CCDC88A: variants seen among roughly 807,000 people sequenced by gnomAD.
CCDC88A encodes the protein girdin.
A neutral mutation model predicts 234.3 loss-of-function variants in CCDC88A; 54 were observed. The observed-to-expected ratio is 0.23, with a 90% CI of 0.19 to 0.29. CCDC88A has a LOEUF of 0.29. CCDC88A is among the 10% of genes least tolerant of loss of function. CCDC88A has a pLI of 1.00. For synonymous variants in CCDC88A, 753 were observed against 737.8 expected (o/e 1.02, Z -0.33); for missense variants, 1,832 against 2,123.4 (o/e 0.86, Z 2.70).
At chr2:55,389,247 A>G (rs1676194881) in intron 2 of CCDC88A, among the ~76,000 whole-genome samples, 1 of 152,254 alleles carries the variant, frequency 6.6e-6, no homozygotes, top group African/African-American at 2.4e-5. Flanking sequence ...ATAATAACCA[A>G]TAAATGTTAT....
At chr2:55,412,982 T>C (rs1680742596) in intron 2 of CCDC88A, among the ~76,000 whole-genome samples, 1 of 152,056 alleles carries the variant, frequency 6.6e-6, no homozygotes, top group Non-Finnish European at 1.5e-5. Context: ...GGTGGGAGGA[T>C]CACTTGAACC....
At chr2:55,359,825 G>A (rs534007725) in intron 7 of CCDC88A, among the ~76,000 whole-genome samples, 1 of 139,110 alleles carries the variant, frequency 7.2e-6, no homozygotes, top group South Asian at 2.3e-4. Flanking sequence ...TTATACTGAA[G>A]AATGAACATA....
intron 2 of CCDC88A, among the ~76,000 whole-genome samples, chr2:55,400,797 G>A (rs866107878): frequency 1.3e-5 from 2 of 152,242 alleles, no homozygotes; most frequent in East Asian, 1.9e-4. Context: ...TTCTGTGTTG[G>A]TGCTTAACTG....
chr2:55,399,234 A>T (rs1000916877), intron 2 of CCDC88A, among the ~76,000 whole-genome samples: 3 of 151,638 alleles, frequency 2.0e-5, no homozygotes, highest in Non-Finnish European at 4.4e-5. Flanking sequence ...AATTGCTTTT[A>T]AAAAAGTTTA....
At position 55,405,702 on chromosome 2, in the gene CCDC88A, C is replaced by T. The variant is rs1201158013; in HGVS notation, c.164+13114G>A. 10 of 152,236 alleles carry T rather than the reference C, an allele frequency of 6.6e-5. 1 individual carries two copies. Among genetic ancestry groups the T allele is most frequent in the African/African-American group, 2.4e-4 (10 of 41,522 alleles). The allele number at this position is 152,236 out of a possible 1,614,324, so 9.4% of individuals were successfully genotyped here. Reference sequence around the variant, plus strand: ...GCAGCATTAGATTTTCTTAGGAGCACGAACCCTATTGTGAACTGCCATACA... The same window carrying T: ...GCAGCATTAGATTTTCTTAGGAGCATGAACCCTATTGTGAACTGCCATACA... On this transcript the variant is annotated intron_variant, in intron 2 of 32. Coordinates refer to ENST00000436346, the MANE Select transcript of CCDC88A (RefSeq NM_001365480.1).
chr2:55,380,102 G>T (rs1473487054), intron 3 of CCDC88A, among the ~76,000 whole-genome samples: 1 of 149,202 alleles, frequency 6.7e-6, no homozygotes, highest in African/African-American at 2.5e-5. Context: ...TGCATGTGCT[G>T]GCACACACCT....
chr2:55,298,891 A>C (rs1370174142), intron 29 of CCDC88A, among the ~76,000 whole-genome samples: 6 of 149,740 alleles, frequency 4.0e-5, no homozygotes, highest in South Asian at 2.1e-4. Flanking sequence ...AAAAAAAAAA[A>C]AACACAAAAA....
At chr2:55,389,527 T>C (rs1268810122) in intron 2 of CCDC88A, among the ~76,000 whole-genome samples, 1 of 152,148 alleles carries the variant, frequency 6.6e-6, no homozygotes, top group Non-Finnish European at 1.5e-5. Context: ...AAATAGAAAC[T>C]GAATAGAAAC....
intron 2 of CCDC88A, among the ~76,000 whole-genome samples, chr2:55,413,432 T>C (rs968606533): frequency 6.6e-6 from 1 of 152,170 alleles, no homozygotes; most frequent in Non-Finnish European, 1.5e-5. Context: ...CTTATAAATG[T>C]AGGAACTGTA....
At chr2:55,311,803 A>G (rs899277890) in intron 23 of CCDC88A, among the ~76,000 whole-genome samples, 1 of 152,214 alleles carries the variant, frequency 6.6e-6, no homozygotes, top group African/African-American at 2.4e-5. Context: ...GACACAACTT[A>G]CCAATAATTA....
At chr2:55,373,478 T>C (rs1673135539) in intron 4 of CCDC88A, among the ~76,000 whole-genome samples, 1 of 152,170 alleles carries the variant, frequency 6.6e-6, no homozygotes, top group Non-Finnish European at 1.5e-5. Context: ...ACGTCAACTT[T>C]AAGAATAATT....
At chr2:55,390,844 T>G (rs1156258465) in intron 2 of CCDC88A, among the ~76,000 whole-genome samples, 1 of 152,198 alleles carries the variant, frequency 6.6e-6, no homozygotes, top group Non-Finnish European at 1.5e-5. Context: ...GATTTTGGCT[T>G]TGGCTTCACA....
At chr2:55,305,142 T>C (rs1474005496) in intron 25 of CCDC88A, among the ~76,000 whole-genome samples, 4 of 152,248 alleles carry the variant, frequency 2.6e-5, no homozygotes, top group Non-Finnish European at 5.9e-5. Context: ...AGCTGAGTGG[T>C]TGCAGCATGC....
chr2:55,332,814 AT>A lies in CCDC88A; in HGVS notation c.2728-122del, dbSNP rs1162083706. ...CATGTAATTTGAACCAGGAAATGTCATTAAACCATTCCTTCATTATTAAAAT... is the reference window on the plus strand; with the variant it reads ...CATGTAATTTGAACCAGGAAATGTCATAAACCATTCCTTCATTATTAAAAT... On this transcript the variant is annotated intron_variant, in intron 15 of 32. Coordinates refer to ENST00000436346, the MANE Select transcript of CCDC88A (RefSeq NM_001365480.1). The surrounding 1 kb of genome is among the most constrained non-coding windows in gnomAD (Gnocchi z 4.5). The A allele has an allele frequency of 1.2e-6, 1 of 808,310 alleles. No individual in the cohort carries two copies. Among genetic ancestry groups the A allele is most frequent in the Non-Finnish European group, 1.9e-6 (1 of 516,546 alleles). 50.1% of individuals were successfully genotyped at this position (808,310 alleles called of 1,614,324 possible).
chr2:55,314,907 C>T (rs980246197), intron 22 of CCDC88A: 15 of 152,176 alleles, frequency 9.9e-5, no homozygotes, highest in African/African-American at 3.6e-4. Flanking sequence ...TCCACCTCCA[C>T]TAAATCATGT....
intron 28 of CCDC88A, chr2:55,300,793 G>A (rs2104569444): frequency 6.2e-6 from 1 of 160,544 alleles, no homozygotes; most frequent in Middle Eastern, 3.2e-3. Flanking sequence ...TTACAGGCGT[G>A]AGCCACTGTC....
chr2:55,319,105 A>T, intron 18 of CCDC88A, 101 bp from the exon 19 acceptor site: 1 of 891,750 alleles, frequency 1.1e-6, no homozygotes, highest in Non-Finnish European at 1.6e-6. Context: ...ATTTATTAGC[A>T]TTATAATCCA....
At position 55,309,808 on chromosome 2, in the gene CCDC88A, CATG is replaced by C. The variant is rs1233979344; in HGVS notation, c.4080-557_4080-555del. Among the ~76,000 whole-genome samples, 1 of 152,072 alleles carries C rather than the reference CATG, an allele frequency of 6.6e-6. No homozygotes were observed. The highest frequency in any genetic ancestry group is 1.9e-4 in the East Asian group (1 of 5,200). Reference sequence around the variant, plus strand: ...TAGTGATCATTTACAATGAGGAAGGCATGAGGTATATATGAAGATGAATAATAA... The same window carrying C: ...TAGTGATCATTTACAATGAGGAAGGCAGGTATATATGAAGATGAATAATAA... On this transcript the variant is annotated intron_variant, in intron 23 of 32. Coordinates refer to ENST00000436346, the MANE Select transcript of CCDC88A (RefSeq NM_001365480.1). The surrounding 1 kb of genome is among the most constrained non-coding windows in gnomAD (Gnocchi z 5.1).
intron 3 of CCDC88A, among the ~76,000 whole-genome samples, chr2:55,380,330 C>T (rs1674390738): frequency 6.6e-6 from 1 of 151,972 alleles, no homozygotes. Flanking sequence ...TAAAGATATG[C>T]AAGTATTCAA....
Sources: gnomAD v4.1 joint callset for allele counts (sites outside exome capture counted in the v4.1 genomes callset) on GRCh38, gnomAD v4.1.1 for gene constraint, Gnocchi (gnomAD v3.1) non-coding constraint, MANE v1.5 for transcripts, NCBI Gene and HGNC (gene_info 2026-07-23, HGNC 2026-07-21) for gene names.